The following NPAS3 variants were observed in gnomAD, a reference collection of about 807,000 sequenced individuals.
The protein encoded by NPAS3 is neuronal PAS domain protein 3.
A neutral mutation model predicts 73.1 loss-of-function variants in NPAS3; 14 were observed. The observed-to-expected ratio is 0.19, with a 90% confidence interval of 0.13 to 0.30. The LOEUF is 0.30. NPAS3 is among the 10% of genes least tolerant of loss of function. NPAS3 has a pLI of 1.00. For missense variants in NPAS3, 1,096 were observed against 1,250.0 expected, an observed-to-expected ratio of 0.88 and a Z score of 1.86; for synonymous variants, 620 against 541.5, an observed-to-expected ratio of 1.14 and a Z score of -2.01.
intron 4 of NPAS3, among the ~76,000 whole-genome samples, chr14:33,445,527 ACT>A (rs1177018849): frequency 6.6e-6 from 1 of 152,128 alleles, no homozygotes. Flanking sequence ...GTGAAATATA[ACT>A]CTGTTATACA....
chr14:33,275,912 T>C (rs888507491), intron 3 of NPAS3, among the ~76,000 whole-genome samples: 2 of 152,236 alleles, frequency 1.3e-5, no homozygotes, highest in African/African-American at 4.8e-5. Context: ...ATATATGCTC[T>C]ATAACTTTTT....
intron 3 of NPAS3, among the ~76,000 whole-genome samples, chr14:33,252,244 T>G (rs2048614553): frequency 6.6e-6 from 1 of 152,056 alleles, no homozygotes. Context: ...TAGGACTGCA[T>G]TTCTAAGATA....
At chr14:33,753,629 C>T (rs761853566) in intron 7 of NPAS3, among the ~76,000 whole-genome samples, 4 of 152,130 alleles carry the variant, frequency 2.6e-5, no homozygotes, top group Non-Finnish European at 4.4e-5. Flanking sequence ...TTTAGCAGAT[C>T]ATGCAGCCAA....
chr14:33,509,285 T>C (rs2052924832), intron 4 of NPAS3, among the ~76,000 whole-genome samples: 1 of 152,026 alleles, frequency 6.6e-6, no homozygotes, highest in Admixed American at 6.6e-5. Context: ...TATGAACTTT[T>C]CTAGGGCAAG....
At chr14:33,199,157 C>T (rs2046509894) in intron 2 of NPAS3, among the ~76,000 whole-genome samples, 1 of 152,166 alleles carries the variant, frequency 6.6e-6, no homozygotes, top group Non-Finnish European at 1.5e-5. Flanking sequence ...GGAGCTGGCT[C>T]CAGCCTCTGC....
At chr14:32,998,810 C>T (rs1387053337) in intron 1 of NPAS3, among the ~76,000 whole-genome samples, 2 of 152,198 alleles carry the variant, frequency 1.3e-5, no homozygotes, top group Admixed American at 1.3e-4. Context: ...AACAGTAGTG[C>T]TGGCTCCTCT....
intron 2 of NPAS3, among the ~76,000 whole-genome samples, chr14:33,175,739 G>A (rs1332061902): frequency 1.3e-5 from 2 of 151,972 alleles, no homozygotes; most frequent in Non-Finnish European, 2.9e-5. Context: ...CATCCCAATG[G>A]GATGACATCA....
intron 4 of NPAS3, among the ~76,000 whole-genome samples, chr14:33,483,460 C>T (rs2051429624): frequency 1.3e-5 from 2 of 152,188 alleles, no homozygotes; most frequent in Non-Finnish European, 2.9e-5. Context: ...CGAAATGCGT[C>T]TGATCTCTCC....
At chr14:33,382,993 A>G (rs986032978) in intron 4 of NPAS3, among the ~76,000 whole-genome samples, 3 of 151,220 alleles carry the variant, frequency 2.0e-5, no homozygotes, top group African/African-American at 7.3e-5. Flanking sequence ...AGGCTGAGGC[A>G]GGAAAATTGC....
At chr14:33,054,199 T>C (rs567394533) in intron 1 of NPAS3, among the ~76,000 whole-genome samples, 1 of 152,340 alleles carries the variant, frequency 6.6e-6, no homozygotes, top group South Asian at 2.1e-4. Context: ...TATCTCTTGC[T>C]TTCTTGTAAC....
intron 2 of NPAS3, among the ~76,000 whole-genome samples, chr14:33,185,119 G>A (rs1250293014): frequency 1.3e-5 from 2 of 152,140 alleles, no homozygotes. Context: ...AGCCAATCAA[G>A]ATTATCCTGC....
chr14:33,746,951 G>A (rs2061824579), intron 7 of NPAS3, among the ~76,000 whole-genome samples: 1 of 145,540 alleles, frequency 6.9e-6, no homozygotes, highest in Admixed American at 7.0e-5. Flanking sequence ...GTGTCCATGT[G>A]ATCTCATTGT....
rs143236765 is a variant in NPAS3 at position 33,543,490 on chromosome 14, A to G, written c.469-16631A>G. 9.2e-3 allele frequency among the ~76,000 whole-genome samples: 1,404 copies of G among 152,202 alleles called. 11 individuals are homozygous for G. The highest frequency in any genetic ancestry group is 0.075 in the Middle Eastern group (22 of 294). On this transcript the variant is annotated intron_variant, in intron 4 of 11. Transcript: ENST00000356141. ...TACAACTGATTTTTCTGGGACTACT[A>G]GATGTCTGTTTCCAGTATTTGGGGG...
intron 3 of NPAS3, among the ~76,000 whole-genome samples, chr14:33,236,475 G>A (rs2048037949): frequency 6.6e-6 from 1 of 152,124 alleles, no homozygotes; most frequent in African/African-American, 2.4e-5. Context: ...TTCTCTTCAT[G>A]AAACGTTTGT....
intron 2 of NPAS3, among the ~76,000 whole-genome samples, chr14:33,136,235 AT>A (rs1391023548): frequency 1.3e-5 from 2 of 151,486 alleles, no homozygotes; most frequent in African/African-American, 4.8e-5. Context: ...TAATTTTTAT[AT>A]TTTTAGTAGA....
chr14:33,249,584 CTT>C (rs1243158335), intron 3 of NPAS3, among the ~76,000 whole-genome samples: 1 of 152,120 alleles, frequency 6.6e-6, no homozygotes, highest in Non-Finnish European at 1.5e-5. Flanking sequence ...GATACTAACT[CTT>C]TCCTTCTTCC....
At chr14:33,596,954 G>A (rs1490788013) in intron 5 of NPAS3, among the ~76,000 whole-genome samples, 2 of 152,172 alleles carry the variant, frequency 1.3e-5, no homozygotes. Flanking sequence ...TATTTATCCA[G>A]GGACATCCTG....
chr14:33,754,275 A>C (rs777104746), intron 7 of NPAS3, among the ~76,000 whole-genome samples: 4 of 152,164 alleles, frequency 2.6e-5, no homozygotes, highest in Non-Finnish European at 5.9e-5. Flanking sequence ...GAGGGATGGA[A>C]TAAAGTGTGA....
At chr14:33,640,364 A>G (rs1158693632) in intron 5 of NPAS3, among the ~76,000 whole-genome samples, 1 of 152,174 alleles carries the variant, frequency 6.6e-6, no homozygotes, top group Non-Finnish European at 1.5e-5. Flanking sequence ...TTCCTGGAAG[A>G]TCTACCTGAA....
Sources: allele counts gnomAD v4.1 joint callset (sites outside exome capture counted in the v4.1 genomes callset), GRCh38; gene constraint gnomAD v4.1.1; transcripts MANE v1.5; gene names NCBI Gene and HGNC (gene_info 2026-07-23, HGNC 2026-07-21).